Variants in DCHS2 observed in about 807,000 individuals in gnomAD.
DCHS2 encodes the protein protocadherin-23.
DCHS2 carries 142 observed loss-of-function variants against 182.4 expected under a neutral mutation model. That is an observed-to-expected ratio of 0.78 (90% CI 0.68 to 0.89). The LOEUF (loss-of-function observed/expected upper bound fraction) is 0.89. Ranked by LOEUF, DCHS2 falls within the 40% of genes least tolerant of loss-of-function variation. The pLI is 0.00. For synonymous variants in DCHS2, 1,740 were observed against 1,663.3 expected (o/e 1.05, Z -1.12); for missense variants, 4,319 against 4,198.6 (o/e 1.03, Z -0.79).
intron 13 of DCHS2, among the ~76,000 whole-genome samples, chr4:154,294,938 G>A (rs1163596173): frequency 6.6e-6 from 1 of 152,214 alleles, no homozygotes; most frequent in African/African-American, 2.4e-5. Context: ...GCAACTTTCT[G>A]TTTACAACTT....
chr4:154,424,852 G>A (rs1733256832), intron 1 of DCHS2, among the ~76,000 whole-genome samples: 1 of 152,168 alleles, frequency 6.6e-6, no homozygotes, highest in South Asian at 2.1e-4. Context: ...CTATCACAAG[G>A]TAATGGCAGC....
chr4:154,286,921 C>A (rs1007957499), intron 13 of DCHS2, among the ~76,000 whole-genome samples: 1 of 151,976 alleles, frequency 6.6e-6, no homozygotes, highest in Non-Finnish European at 1.5e-5. Flanking sequence ...TTAATAAACT[C>A]CCAAATGTCA....
chr4:154,392,124 C>T (rs1731735678), intron 1 of DCHS2, among the ~76,000 whole-genome samples: 1 of 152,138 alleles, frequency 6.6e-6, no homozygotes, highest in Non-Finnish European at 1.5e-5. Context: ...TTGTTAAGGG[C>T]CAGCCTCTTC....
chr4:154,281,637 C>T (rs1345182231), intron 13 of DCHS2, among the ~76,000 whole-genome samples: 5 of 152,134 alleles, frequency 3.3e-5, no homozygotes, highest in African/African-American at 1.2e-4. Context: ...TCAATCCCTA[C>T]CAAATCTTCA....
intron 16 of DCHS2, among the ~76,000 whole-genome samples, chr4:154,244,140 A>G (rs969888219): frequency 6.6e-6 from 1 of 152,202 alleles, no homozygotes. Flanking sequence ...CATAGCAATC[A>G]TCACTCTTTT....
intron 13 of DCHS2, among the ~76,000 whole-genome samples, chr4:154,286,367 C>G (rs1734397755): frequency 6.6e-6 from 1 of 151,966 alleles, no homozygotes; most frequent in African/African-American, 2.4e-5. Context: ...AATAAGGCAC[C>G]AGGGACAAAT....
At chr4:154,361,536 T>C (rs1405493025) in intron 3 of DCHS2, among the ~76,000 whole-genome samples, 1 of 152,118 alleles carries the variant, frequency 6.6e-6, no homozygotes, top group African/African-American at 2.4e-5. Context: ...TTCTTCCCGT[T>C]AAAACTCAAA....
intron 16 of DCHS2, among the ~76,000 whole-genome samples, chr4:154,245,007 T>C (rs1164639217): frequency 6.6e-6 from 1 of 152,148 alleles, no homozygotes; most frequent in Non-Finnish European, 1.5e-5. Context: ...ATTTTCACAA[T>C]GTTACAACTT....
rs1354381787 is a variant in DCHS2, at chr4:154,490,458, C to T, written c.898G>A (p.Glu300Lys). The T allele has an allele frequency of 6.5e-7, 1 of 1,536,670 alleles. No individual in the cohort carries two copies. The highest frequency in any genetic ancestry group is 8.7e-7 in the Non-Finnish European group (1 of 1,146,422). The change falls in exon 1 of 20, where the codon GAG becomes AAG. Residue 300 changes from glutamate to lysine, a missense_variant. Coordinates refer to ENST00000357232, the MANE Select transcript of DCHS2 (RefSeq NM_001358235.2). Reference protein sequence around the residue: ...NDNPPVFEQDEYRAAVREDAQ... With the variant: ...NDNPPVFEQDKYRAAVREDAQ... ...TCCTCGCGCACCGCGGCGCGGTACT[C>T]GTCCTGCTCAAAGACCGGCGGGTTG...
chr4:154,268,156 CT>C (rs1385696998), intron 14 of DCHS2, among the ~76,000 whole-genome samples: 26 of 152,098 alleles, frequency 1.7e-4, no homozygotes, highest in African/African-American at 6.0e-4. Context: ...TTCATTCTTA[CT>C]GTAGATCTTA....
chr4:154,284,011 A>T (rs1442813133), intron 13 of DCHS2, among the ~76,000 whole-genome samples: 3 of 152,222 alleles, frequency 2.0e-5, no homozygotes, highest in African/African-American at 7.2e-5. Context: ...TTTGGTTTTG[A>T]GATAACCCAG....
At chr4:154,355,712 ATGG>A (rs1377179975) in intron 3 of DCHS2, 1 of 152,078 alleles carries the variant, frequency 6.6e-6, no homozygotes, top group Non-Finnish European at 1.5e-5. Flanking sequence ...TGCACTTACG[ATGG>A]TGGTCCCATA....
In DCHS2 at chr4:154,298,130, C is replaced by T. The variant is rs147749178; in HGVS notation, c.6184G>A (p.Ala2062Thr). The change falls in exon 13 of 20, where the codon GCT becomes ACT. Residue 2062 changes from alanine (A) to threonine (T), a missense_variant. Physicochemically the swap from Ala to Thr is moderately conservative, Grantham distance 58. Coordinates refer to ENST00000357232, the MANE Select transcript of DCHS2 (RefSeq NM_001358235.2). ...TTGGGCCCCAAGTCCAGGTCATCAG[C>T]TCTCACAATGACAGTTGTCTGGTTT... ...PTNQTTVIVR[A>T]DDLDLGPNGT... The T allele has an allele frequency of 4.8e-5, 77 of 1,614,008 alleles. No homozygotes were observed. Among genetic ancestry groups the T allele is most frequent in the Middle Eastern group, 1.6e-4 (1 of 6,084 alleles).
intron 1 of DCHS2, among the ~76,000 whole-genome samples, chr4:154,413,730 C>G (rs187900042): frequency 6.6e-6 from 1 of 152,296 alleles, no homozygotes; most frequent in African/African-American, 2.4e-5. Flanking sequence ...AAGGTCAGAA[C>G]CCCTATAAGA....
At chr4:154,299,091 T>TA (rs376921035) in intron 12 of DCHS2, among the ~76,000 whole-genome samples, 48 of 152,034 alleles carry the variant, frequency 3.2e-4, no homozygotes, top group East Asian at 1.7e-3. Flanking sequence ...TAGATGAGGA[T>TA]AAAAAAAACA....
intron 1 of DCHS2, among the ~76,000 whole-genome samples, chr4:154,457,203 C>T (rs1417319892): frequency 1.3e-5 from 2 of 152,070 alleles, no homozygotes; most frequent in African/African-American, 2.4e-5. Flanking sequence ...AACAGGCCTC[C>T]GTAAACCCAA....
intron 1 of DCHS2, among the ~76,000 whole-genome samples, chr4:154,406,718 G>A (rs1732417376): frequency 6.6e-6 from 1 of 152,108 alleles, no homozygotes; most frequent in South Asian, 2.1e-4. Flanking sequence ...ATGTACTTGT[G>A]GAAAGAAAAT....
rs10683172 is a variant in DCHS2 at position 154,441,626 on chromosome 4, T to TA, written c.2052+47677dup. Among the ~76,000 whole-genome samples, 479 of 149,652 alleles carry TA rather than the reference T, an allele frequency of 3.2e-3. 1 individual carries two copies. Among genetic ancestry groups the TA allele is most frequent in the African/African-American group, 7.8e-3 (318 of 40,646 alleles). On this transcript the variant is annotated intron_variant, in intron 1 of 19. Coordinates refer to ENST00000357232, the MANE Select transcript of DCHS2 (RefSeq NM_001358235.2). The stretch of plus-strand genomic sequence containing the variant: ...GTACCAGAACATTCTTTCCCTGAAT[T>TA]AAAAAAAAAAACTATAACACAACAT...
intron 2 of DCHS2, among the ~76,000 whole-genome samples, chr4:154,368,273 C>T (rs764625035): frequency 3.3e-5 from 5 of 152,266 alleles, no homozygotes; most frequent in Admixed American, 6.5e-5. Flanking sequence ...TGCTGCTGCT[C>T]GAAACTGCCT....
Sources: allele counts gnomAD v4.1 joint callset (sites outside exome capture counted in the v4.1 genomes callset), GRCh38; gene constraint gnomAD v4.1.1; transcripts MANE v1.5; gene names NCBI Gene and HGNC (gene_info 2026-07-23, HGNC 2026-07-21).